ATP8A1: variants seen among roughly 807,000 people sequenced by gnomAD.
ATP8A1 encodes ATPase phospholipid transporting 8A1.
In ATP8A1, 90 loss-of-function variants were observed where a neutral mutation model predicts 177.7. That is an observed-to-expected ratio of 0.51 (90% CI 0.43 to 0.60). The LOEUF is 0.60. ATP8A1 is among the 20% of genes least tolerant of loss of function. The pLI is 0.00. For missense variants in ATP8A1, 1,072 were observed against 1,392.8 expected (o/e 0.77, Z 3.67); for synonymous variants, 493 against 485.9 (o/e 1.01, Z -0.19).
At chr4:42,500,525 G>C (rs979825069) in intron 24 of ATP8A1, among the ~76,000 whole-genome samples, 4 of 151,980 alleles carry the variant, frequency 2.6e-5, no homozygotes, top group Non-Finnish European at 5.9e-5. Context: ...ATACCTAATA[G>C]GTTTTGATCA....
At chr4:42,540,200 C>T (rs1298675860) in intron 20 of ATP8A1, among the ~76,000 whole-genome samples, 1 of 152,032 alleles carries the variant, frequency 6.6e-6, no homozygotes, top group East Asian at 1.9e-4. Context: ...ACATCACTAG[C>T]AATCAGAGGC....
chr4:42,590,817 G>T lies in ATP8A1; in HGVS notation c.518C>A (p.Ser173Tyr), dbSNP rs1233272459. 6.2e-7 allele frequency: 1 copy of T among 1,613,476 alleles called. No individual in the cohort carries two copies. Among genetic ancestry groups the T allele is most frequent in the African/African-American group, 1.3e-5 (1 of 74,760 alleles). Reference protein sequence around the residue: ...EHLPADLISLSSSEPQAMCYI... With the variant: ...EHLPADLISLYSSEPQAMCYI... ...ACGACTCAGTGGTTCTAACCTTGAG[G>T]ACAGACTGATGAGATCTGCTGGGAG... is the stretch of plus-strand genomic sequence containing the variant. The change falls in exon 7 of 37, where the codon TCC becomes TAC. Residue 173 changes from serine (S) to tyrosine (Y), a missense_variant. By Grantham distance (144) the Ser-to-Tyr change is moderately radical. Coordinates refer to ENST00000381668, the MANE Select transcript of ATP8A1 (RefSeq NM_006095.2).
At chr4:42,439,043 T>C (rs1281869035) in intron 33 of ATP8A1, among the ~76,000 whole-genome samples, 1 of 101,436 alleles carries the variant, frequency 9.9e-6, no homozygotes, top group Non-Finnish European at 2.0e-5. Context: ...GAATGTAAGT[T>C]GGAAATGACT....
intron 24 of ATP8A1, among the ~76,000 whole-genome samples, chr4:42,489,075 C>T (rs1560382040): frequency 1.3e-5 from 2 of 152,102 alleles, no homozygotes; most frequent in African/African-American, 2.4e-5. Flanking sequence ...TCTTTGCTCC[C>T]TAATTTTCCA....
intron 25 of ATP8A1, among the ~76,000 whole-genome samples, chr4:42,484,112 T>C (rs1721966121): frequency 6.6e-6 from 1 of 152,238 alleles, no homozygotes; most frequent in South Asian, 2.1e-4. Flanking sequence ...TGATGAAAAG[T>C]GTCAAAGTTG....
At chr4:42,597,936 G>A (rs1734871130) in intron 6 of ATP8A1, among the ~76,000 whole-genome samples, 1 of 151,958 alleles carries the variant, frequency 6.6e-6, no homozygotes, top group Admixed American at 6.5e-5. Context: ...TACTGAGTCT[G>A]GTCAATTATC....
At chr4:42,507,233 T>C in intron 22 of ATP8A1, 79 bp from the exon 23 acceptor site, 4 of 1,411,046 alleles carry the variant, frequency 2.8e-6, no homozygotes, top group Non-Finnish European at 3.9e-6. Flanking sequence ...TGTGTATATG[T>C]TTTAAAATCA....
At chr4:42,651,967 A>C (rs16854659) in intron 1 of ATP8A1, among the ~76,000 whole-genome samples, 2,832 of 152,364 alleles carry the variant, frequency 0.019, 33 homozygotes, top group Middle Eastern at 0.054. Flanking sequence ...GGGGCAGCTA[A>C]ATAAAGAGAC....
At chr4:42,519,594 C>T (rs145750078) in intron 22 of ATP8A1, among the ~76,000 whole-genome samples, 2 of 152,260 alleles carry the variant, frequency 1.3e-5, no homozygotes, top group East Asian at 3.9e-4. Flanking sequence ...GCCACAGTCT[C>T]ATTTGCTTGT....
intron 1 of ATP8A1, among the ~76,000 whole-genome samples, chr4:42,642,888 C>G (rs1362352638): frequency 6.6e-6 from 1 of 152,168 alleles, no homozygotes; most frequent in Non-Finnish European, 1.5e-5. Flanking sequence ...CAAAACCACT[C>G]CAGCGTTTTT....
chr4:42,614,262 G>A (rs1005461326), intron 5 of ATP8A1, among the ~76,000 whole-genome samples: 9 of 152,132 alleles, frequency 5.9e-5, no homozygotes, highest in African/African-American at 2.2e-4. Flanking sequence ...CACCTCTACT[G>A]TACTATGTCA....
At chr4:42,450,742 T>G (rs1309505590) in intron 30 of ATP8A1, among the ~76,000 whole-genome samples, 1 of 152,238 alleles carries the variant, frequency 6.6e-6, no homozygotes, top group Non-Finnish European at 1.5e-5. Flanking sequence ...CATTCACAAT[T>G]TGCTGAGTGC....
At chr4:42,496,286 T>A (rs996637748) in intron 24 of ATP8A1, among the ~76,000 whole-genome samples, 5 of 152,170 alleles carry the variant, frequency 3.3e-5, no homozygotes, top group Non-Finnish European at 7.3e-5. Flanking sequence ...TATAATTATA[T>A]AATTTAAAGA....
At chr4:42,620,309 C>T (rs1331614380) in intron 4 of ATP8A1, among the ~76,000 whole-genome samples, 3 of 152,178 alleles carry the variant, frequency 2.0e-5, no homozygotes, top group Admixed American at 1.3e-4. Context: ...TAGTCAATTT[C>T]TTAACAGTGA....
At chr4:42,424,616 C>T (rs1215357349) in intron 33 of ATP8A1, among the ~76,000 whole-genome samples, 2 of 152,136 alleles carry the variant, frequency 1.3e-5, no homozygotes, top group Admixed American at 6.5e-5. Context: ...TTATTCTAGG[C>T]AATTTCAAAA....
intron 20 of ATP8A1, among the ~76,000 whole-genome samples, chr4:42,537,313 T>A (rs1727949062): frequency 1.3e-5 from 2 of 151,800 alleles, no homozygotes; most frequent in Non-Finnish European, 2.9e-5. Context: ...GTCAACATTA[T>A]ACTGAATGGG....
chr4:42,630,813 A>G (rs1237070863), intron 1 of ATP8A1, among the ~76,000 whole-genome samples: 3 of 152,202 alleles, frequency 2.0e-5, no homozygotes, highest in Admixed American at 2.0e-4. Context: ...TATTTGGTAA[A>G]TGGCAAAGCC....
intron 24 of ATP8A1, among the ~76,000 whole-genome samples, chr4:42,500,211 A>G (rs1451031798): frequency 6.6e-6 from 1 of 152,110 alleles, no homozygotes; most frequent in African/African-American, 2.4e-5. Flanking sequence ...CTAAAAATAC[A>G]AAAATTAGCT....
In ATP8A1 at chr4:42,552,613, G is replaced by A. The variant is rs1284415015; in HGVS notation, c.1414-3C>T. ...TCACATATTATAGGTGCAGTTGGCTGTGAAAAATAAACACATAATTTAAGC... is the reference window on the plus strand; with the variant it reads ...TCACATATTATAGGTGCAGTTGGCTATGAAAAATAAACACATAATTTAAGC... On this transcript the variant is annotated splice_region_variant and splice_polypyrimidine_tract_variant and intron_variant, in intron 16 of 36. Transcript: ENST00000381668. The A allele has an allele frequency of 1.4e-5, 22 of 1,606,878 alleles. No individual in the cohort carries two copies. Among genetic ancestry groups the A allele is most frequent in the Non-Finnish European group, 1.9e-5 (22 of 1,175,472 alleles).
Sources: allele counts gnomAD v4.1 joint callset (sites outside exome capture counted in the v4.1 genomes callset), GRCh38; gene constraint gnomAD v4.1.1; transcripts MANE v1.5; gene names NCBI Gene and HGNC (gene_info 2026-07-23, HGNC 2026-07-21).